The following CPO variants were observed in gnomAD, a reference collection of about 807,000 sequenced individuals.
CPO encodes the protein metallocarboxypeptidase C.
CPO carries 43 observed loss-of-function variants against 41.2 expected under a neutral mutation model. The ratio of observed to expected loss-of-function variants is 1.04; its 90% CI spans 0.82 to 1.35. The LOEUF (loss-of-function observed/expected upper bound fraction) is 1.35. CPO is among the 40% of genes most tolerant of loss of function. The probability of loss-of-function intolerance (pLI) is 0.00; values close to 1 mark genes in which losing one functional copy is unlikely to be tolerated. For missense variants in CPO, 408 were observed against 451.7 expected (o/e 0.90, Z 0.88); for synonymous variants, 178 against 162.7 (o/e 1.09, Z -0.72).
intron 1 of CPO, among the ~76,000 whole-genome samples, chr2:206,943,160 C>T (rs182152597): frequency 6.6e-6 from 1 of 152,256 alleles, no homozygotes; most frequent in East Asian, 1.9e-4. Flanking sequence ...TTTTAGTGTA[C>T]TCCCTTTCCT....
intron 6 of CPO, among the ~76,000 whole-genome samples, chr2:206,962,194 A>G (rs1236775635): frequency 6.6e-6 from 1 of 151,886 alleles, no homozygotes; most frequent in Non-Finnish European, 1.5e-5. Context: ...TTGTTTCTAA[A>G]TCCTAACGTT....
intron 7 of CPO, among the ~76,000 whole-genome samples, chr2:206,965,856 G>C (rs978214048): frequency 6.6e-6 from 1 of 152,132 alleles, no homozygotes; most frequent in Non-Finnish European, 1.5e-5. Flanking sequence ...AGAGAAACTG[G>C]CTCTATTATA....
chr2:206,954,370 G>A (rs938823594), intron 2 of CPO, among the ~76,000 whole-genome samples: 1 of 150,102 alleles, frequency 6.7e-6, no homozygotes, highest in South Asian at 2.1e-4. Flanking sequence ...TCTAGGGCAG[G>A]GACAAAATGC....
chr2:206,942,688 T>C (rs1693051971), intron 1 of CPO, among the ~76,000 whole-genome samples: 1 of 152,150 alleles, frequency 6.6e-6, no homozygotes, highest in Non-Finnish European at 1.5e-5. Context: ...AATAATCTTT[T>C]CATTTGATCA....
At chr2:206,942,803 C>T (rs2105817500) in intron 1 of CPO, among the ~76,000 whole-genome samples, 1 of 152,234 alleles carries the variant, frequency 6.6e-6, no homozygotes, top group East Asian at 1.9e-4. Flanking sequence ...AGAGAATAGC[C>T]TTTTCTAAGT....
intron 7 of CPO, among the ~76,000 whole-genome samples, chr2:206,964,691 A>G (rs1445030185): frequency 6.6e-6 from 1 of 152,346 alleles, no homozygotes; most frequent in East Asian, 1.9e-4. Flanking sequence ...AATCTACAGA[A>G]TCAGATATTT....
At chr2:206,958,432 G>T (rs781052016) in intron 4 of CPO, 27 bp downstream of exon 4, 1 of 1,228,570 alleles carries the variant, frequency 8.1e-7, no homozygotes, top group South Asian at 1.4e-5. Flanking sequence ...TTCTCATACT[G>T]GTAAATCACC....
chr2:206,949,888 T>A (rs761467660), intron 2 of CPO, among the ~76,000 whole-genome samples, 175 bp downstream of exon 2: 1 of 152,132 alleles, frequency 6.6e-6, no homozygotes, highest in Admixed American at 6.6e-5. Flanking sequence ...GCCACCACCA[T>A]TGAAGCTGTA....
intron 3 of CPO, among the ~76,000 whole-genome samples, chr2:206,957,468 C>T (rs1693391754): frequency 1.3e-5 from 2 of 151,880 alleles, no homozygotes; most frequent in South Asian, 4.2e-4. Context: ...GGAGAAGATT[C>T]CTTGAATATG....
At chr2:206,947,690 T>G (rs1274419788) in intron 1 of CPO, among the ~76,000 whole-genome samples, 1 of 152,022 alleles carries the variant, frequency 6.6e-6, no homozygotes, top group African/African-American at 2.4e-5. Context: ...TAAATAACTC[T>G]TAAAACTCAA....
At chr2:206,942,058 CA>C (rs1384169321) in intron 1 of CPO, among the ~76,000 whole-genome samples, 1 of 151,688 alleles carries the variant, frequency 6.6e-6, no homozygotes, top group African/African-American at 2.4e-5. Flanking sequence ...GTATAAAAAC[CA>C]AAAGGGACAT....
intron 1 of CPO, among the ~76,000 whole-genome samples, chr2:206,942,185 T>A (rs1693042575): frequency 1.3e-5 from 2 of 152,098 alleles, no homozygotes; most frequent in Admixed American, 1.3e-4. Context: ...AGGAAATGTC[T>A]TTGGTAGAAT....
intron 1 of CPO, among the ~76,000 whole-genome samples, chr2:206,940,176 G>A (rs1693001351): frequency 6.6e-6 from 1 of 152,046 alleles, no homozygotes; most frequent in Non-Finnish European, 1.5e-5. Flanking sequence ...ATTTAAAACA[G>A]TTGAAATTGC....
intron 1 of CPO, among the ~76,000 whole-genome samples, chr2:206,945,203 T>G (rs577377461): frequency 6.8e-6 from 1 of 147,998 alleles, no homozygotes; most frequent in Non-Finnish European, 1.5e-5. Context: ...TTTGAGCATT[T>G]TTTGAATGCT....
intron 8 of CPO, 88 bp from the exon 9 acceptor site, chr2:206,969,086 A>G (rs1693635317): frequency 3.0e-6 from 4 of 1,319,232 alleles, no homozygotes; most frequent in Non-Finnish European, 4.3e-6. Flanking sequence ...TTATTTTACT[A>G]AGTGAACCTT....
At chr2:206,956,524 G>C (rs144350758) in intron 3 of CPO, among the ~76,000 whole-genome samples, 161 of 152,262 alleles carry the variant, frequency 1.1e-3, no homozygotes, top group African/African-American at 3.9e-3. Flanking sequence ...GAGCCCAACA[G>C]TCTATTTTAA....
intron 2 of CPO, among the ~76,000 whole-genome samples, chr2:206,951,463 A>G (rs1009426995): frequency 1.3e-5 from 2 of 152,172 alleles, no homozygotes; most frequent in Admixed American, 1.3e-4. Flanking sequence ...TTTTTATATA[A>G]ATGCACAATT....
rs374278050 is a variant in CPO, at chr2:206,945,876, C to T, written c.69-3741C>T. Among the ~76,000 whole-genome samples, 12 of 151,946 alleles carry T rather than the reference C, an allele frequency of 7.9e-5. No homozygotes were observed. In the East Asian group the frequency reaches 1.4e-3, roughly 17 times the overall value. On this transcript the variant is annotated intron_variant, in intron 1 of 8. Coordinates refer to ENST00000272852, the MANE Select transcript of CPO (RefSeq NM_173077.3). ...GCTTGAACCTGGGAGGCGGAGGTTG[C>T]AGTCAGCCGAGATCATGCCATTGCA...
intron 3 of CPO, among the ~76,000 whole-genome samples, chr2:206,958,070 A>C (rs1000608547): frequency 6.6e-6 from 1 of 152,136 alleles, no homozygotes; most frequent in African/African-American, 2.4e-5. Flanking sequence ...TACTATGGGG[A>C]GCCAGTGTGC....
Sources: allele counts gnomAD v4.1 joint callset (sites outside exome capture counted in the v4.1 genomes callset), GRCh38; gene constraint gnomAD v4.1.1; transcripts MANE v1.5; gene names NCBI Gene and HGNC (gene_info 2026-07-23, HGNC 2026-07-21).